Variants in PRKCB observed in about 807,000 individuals in gnomAD.
PRKCB encodes protein kinase C beta type.
Under a neutral mutation model 81.5 loss-of-function variants are expected in PRKCB, and 13 were observed. That is an observed-to-expected ratio of 0.16 (90% confidence interval 0.10 to 0.25). PRKCB has a LOEUF of 0.25. Ranked by LOEUF, PRKCB falls within the 10% of genes least tolerant of loss-of-function variation. The pLI is 1.00. For synonymous variants in PRKCB, 335 were observed against 321.4 expected, an observed-to-expected ratio of 1.04 and a Z score of -0.45; for missense variants, 509 against 875.7, an observed-to-expected ratio of 0.58 and a Z score of 5.29.
At chr16:23,916,708 CT>C (rs1963746543) in intron 2 of PRKCB, among the ~76,000 whole-genome samples, 1 of 152,216 alleles carries the variant, frequency 6.6e-6, no homozygotes, top group Non-Finnish European at 1.5e-5. Context: ...GCTTTCTTCA[CT>C]TCACAATATC....
intron 2 of PRKCB, among the ~76,000 whole-genome samples, chr16:23,864,468 C>T (rs758401475): frequency 1.3e-5 from 2 of 152,144 alleles, no homozygotes; most frequent in Non-Finnish European, 2.9e-5. Context: ...ACTGGGGATA[C>T]AGCAATAGGC....
chr16:24,044,677 T>G (rs1965743449), intron 5 of PRKCB, among the ~76,000 whole-genome samples: 1 of 152,194 alleles, frequency 6.6e-6, no homozygotes, highest in Non-Finnish European at 1.5e-5. Flanking sequence ...ATCCATTCAT[T>G]TATATATTAT....
chr16:24,127,686 T>G (rs545235146), intron 9 of PRKCB, among the ~76,000 whole-genome samples: 32 of 152,082 alleles, frequency 2.1e-4, no homozygotes, highest in Non-Finnish European at 4.3e-4. Context: ...AATGAGAGAA[T>G]AGATCATATG....
intron 10 of PRKCB, among the ~76,000 whole-genome samples, chr16:24,161,458 C>A (rs1262072777): frequency 6.6e-6 from 1 of 151,696 alleles, no homozygotes; most frequent in African/African-American, 2.4e-5. Flanking sequence ...TGGATAAGTG[C>A]CTTCTTTTTG....
In PRKCB at chr16:24,217,230, A is replaced by G. The variant is rs1432070941; in HGVS notation, c.*2414A>G. On this transcript the variant is annotated 3_prime_UTR_variant, in exon 17 of 17. Coordinates refer to ENST00000643927, the MANE Select transcript of PRKCB (RefSeq NM_002738.7). ...ACTCAACATTTTCCAAATTCTTGCCATTATTTTTCAAAAGTTTAATAGTTT... is the reference window on the plus strand; with the variant it reads ...ACTCAACATTTTCCAAATTCTTGCCGTTATTTTTCAAAAGTTTAATAGTTT... 1 of 985,304 alleles carries G rather than the reference A, an allele frequency of 1.0e-6. No individual in the cohort carries two copies. Among genetic ancestry groups the G allele is most frequent in the African/African-American group, 1.7e-5 (1 of 57,238 alleles). The allele number at this position is 985,304 out of a possible 1,614,324, so 61.0% of individuals were successfully genotyped here. A position where few individuals can be genotyped will look rare whatever the true frequency, so the allele number is the denominator to read the frequency against.
Position 24,032,025 on chromosome 16 carries a change from C to T in PRKCB, c.289-111C>T, listed in dbSNP as rs187972480. On this transcript the variant is annotated intron_variant, in intron 3 of 16. Transcript: ENST00000643927. ...ATGGTCCCAACAGGTACAATGACCT[C>T]TGGGGACCAAGTTCAGTTCTTGGTG... 2.2e-4 allele frequency: 159 copies of T among 713,572 alleles called. No individual in the cohort carries two copies. In the East Asian group the frequency reaches 3.4e-3, roughly 15 times the overall value. 44.2% of individuals were successfully genotyped at this position (713,572 alleles called of 1,614,324 possible). A position where few individuals can be genotyped will look rare whatever the true frequency, so the allele number is the denominator to read the frequency against.
intron 7 of PRKCB, among the ~76,000 whole-genome samples, chr16:24,104,408 A>G (rs946914532): frequency 6.6e-6 from 1 of 152,226 alleles, no homozygotes; most frequent in African/African-American, 2.4e-5. Flanking sequence ...AGAGACACTA[A>G]TGAGCAAAAC....
chr16:24,029,890 A>C (rs935908443), intron 3 of PRKCB, among the ~76,000 whole-genome samples: 2 of 152,094 alleles, frequency 1.3e-5, no homozygotes, highest in Admixed American at 6.6e-5. Flanking sequence ...AACTTCTGCC[A>C]TGTACTTTTT....
chr16:24,067,646 T>C (rs539764017), intron 5 of PRKCB, among the ~76,000 whole-genome samples: 23 of 152,304 alleles, frequency 1.5e-4, no homozygotes, highest in African/African-American at 5.1e-4. Context: ...AAGTTTTGTT[T>C]GAATTTCAGA....
chr16:24,209,386 A>C (rs1382689446), intron 16 of PRKCB, among the ~76,000 whole-genome samples: 1 of 152,016 alleles, frequency 6.6e-6, no homozygotes, highest in Non-Finnish European at 1.5e-5. Context: ...ACGGCCACCA[A>C]TCTAGCTCCC....
At chr16:23,898,134 C>G (rs1022722480) in intron 2 of PRKCB, among the ~76,000 whole-genome samples, 1 of 151,002 alleles carries the variant, frequency 6.6e-6, no homozygotes, top group East Asian at 1.9e-4. Context: ...GGTGCGATCT[C>G]GGTTCACTGC....
chr16:23,888,689 G>A (rs1279167747), intron 2 of PRKCB, among the ~76,000 whole-genome samples: 1 of 152,096 alleles, frequency 6.6e-6, no homozygotes, highest in Non-Finnish European at 1.5e-5. Context: ...CAACCTGTCT[G>A]GACCTTCCCT....
At chr16:23,982,084 C>T (rs1964733924) in intron 2 of PRKCB, among the ~76,000 whole-genome samples, 1 of 97,996 alleles carries the variant, frequency 1.0e-5, no homozygotes. Flanking sequence ...CTTCCCTTTC[C>T]CTTCCCTTTC....
At position 24,216,454 on chromosome 16, in the gene PRKCB, T is replaced by A. The variant is rs545026936; in HGVS notation, c.*1638T>A. The A allele has an allele frequency of 9.3e-5, 92 of 985,468 alleles. No individual in the cohort carries two copies. The highest frequency in any genetic ancestry group is 1.1e-4 in the Non-Finnish European group (88 of 829,940). The allele number at this position is 985,468 out of a possible 1,614,324, so 61.0% of individuals were successfully genotyped here. On this transcript the variant is annotated 3_prime_UTR_variant, in exon 17 of 17. Coordinates refer to ENST00000643927, the MANE Select transcript of PRKCB (RefSeq NM_002738.7). ...CTCCCCCTCCTCGCCTGCCGTGTCC[T>A]GCTATTCTCAGGCAGCTCTAAGGAG...
At chr16:23,965,296 C>T (rs146575275) in intron 2 of PRKCB, among the ~76,000 whole-genome samples, 497 of 152,314 alleles carry the variant, frequency 3.3e-3, no homozygotes, top group Middle Eastern at 0.01. Context: ...CCTCCAGCTG[C>T]GTCCATGTTG....
intron 2 of PRKCB, among the ~76,000 whole-genome samples, chr16:23,840,564 T>C (rs572465013): frequency 2.1e-4 from 32 of 152,306 alleles, no homozygotes; most frequent in African/African-American, 7.2e-4. Flanking sequence ...GTGGGAAATG[T>C]AGTGTTTATT....
intron 2 of PRKCB, among the ~76,000 whole-genome samples, chr16:23,920,456 G>A: frequency 6.6e-6 from 1 of 152,242 alleles, no homozygotes; most frequent in East Asian, 1.9e-4. Flanking sequence ...TCTGGAAGCA[G>A]TCAGCAGGAG....
intron 2 of PRKCB, among the ~76,000 whole-genome samples, chr16:23,980,798 A>AATATATATATATATATATAT (rs143162594): frequency 1.3e-5 from 2 of 148,702 alleles, no homozygotes; most frequent in African/African-American, 5.0e-5. Context: ...CTCCAAACAG[A>AATATATATATATATATATAT]ATATATATAT....
chr16:24,000,047 C>T (rs1278765433), intron 3 of PRKCB, among the ~76,000 whole-genome samples: 2 of 152,170 alleles, frequency 1.3e-5, no homozygotes, highest in Admixed American at 1.3e-4. Context: ...GAGAGCATCT[C>T]CCAACACTTT....
Sources: allele counts gnomAD v4.1 joint callset (sites outside exome capture counted in the v4.1 genomes callset), GRCh38; gene constraint gnomAD v4.1.1; transcripts MANE v1.5; gene names NCBI Gene and HGNC (gene_info 2026-07-23, HGNC 2026-07-21).